The following ARHGAP15 variants were observed in gnomAD, a reference collection of about 807,000 sequenced individuals.
ARHGAP15 encodes rho GTPase-activating protein 15.
In ARHGAP15, 51 loss-of-function variants were observed where a neutral mutation model predicts 63.7. The observed-to-expected ratio is 0.80, with a 90% CI of 0.64 to 1.01. ARHGAP15 has a LOEUF of 1.01. Among genes scored for constraint, ARHGAP15 ranks in the 50% least tolerant of loss-of-function variants. The probability of loss-of-function intolerance (pLI) is 0.00; values close to 1 mark genes in which losing one functional copy is unlikely to be tolerated. For missense variants in ARHGAP15, 560 were observed against 564.6 expected (o/e 0.99, Z 0.08); for synonymous variants, 191 against 193.8 (o/e 0.99, Z 0.12).
At position 143,526,289 on chromosome 2, in the gene ARHGAP15, C is replaced by T. The variant is rs566114621; in HGVS notation, c.925+6925C>T. 8.5e-5 allele frequency among the ~76,000 whole-genome samples: 13 copies of T among 152,186 alleles called. 1 individual carries two copies. In the South Asian group the frequency reaches 2.3e-3, roughly 27 times the overall value. ...ATCTAAGAAATACAGCAATGTGGCT[C>T]TGGTCAAATCAGTCAGCGGATATTC... On this transcript the variant is annotated intron_variant, in intron 10 of 13. Transcript: ENST00000295095.
chr2:143,719,313 G>A (rs1002552346), intron 13 of ARHGAP15, among the ~76,000 whole-genome samples: 2 of 152,144 alleles, frequency 1.3e-5, no homozygotes. Context: ...ATGAACTTTT[G>A]TCTAATTAAT....
chr2:143,240,102 G>A (rs536032834), intron 5 of ARHGAP15, among the ~76,000 whole-genome samples: 1 of 150,320 alleles, frequency 6.7e-6, no homozygotes, highest in East Asian at 2.0e-4. Context: ...CTTGAACCCA[G>A]GTGTTTGAGG....
chr2:143,517,701 T>C (rs1201173501), intron 9 of ARHGAP15, among the ~76,000 whole-genome samples: 1 of 152,178 alleles, frequency 6.6e-6, no homozygotes, highest in African/African-American at 2.4e-5. Flanking sequence ...CTAAGAAATG[T>C]AAGGCTGGGA....
intron 13 of ARHGAP15, among the ~76,000 whole-genome samples, chr2:143,710,338 G>A (rs1472856058): frequency 6.6e-6 from 1 of 152,072 alleles, no homozygotes; most frequent in African/African-American, 2.4e-5. Flanking sequence ...ATTTGGCCTG[G>A]TAGTTAAGAA....
chr2:143,685,924 T>C (rs548499884), intron 12 of ARHGAP15, among the ~76,000 whole-genome samples: 96 of 152,250 alleles, frequency 6.3e-4, no homozygotes, highest in Non-Finnish European at 9.0e-4. Context: ...TCGAAATCTC[T>C]CTTGAGAAGC....
chr2:143,307,805 A>G (rs1683244376), intron 6 of ARHGAP15, among the ~76,000 whole-genome samples: 1 of 152,144 alleles, frequency 6.6e-6, no homozygotes, highest in Admixed American at 6.6e-5. Flanking sequence ...ATAATTTGAA[A>G]TATTTTCTTT....
intron 12 of ARHGAP15, among the ~76,000 whole-genome samples, chr2:143,650,833 A>G (rs1240318852): frequency 6.6e-6 from 1 of 151,926 alleles, no homozygotes; most frequent in Non-Finnish European, 1.5e-5. Flanking sequence ...AAATCCTTAC[A>G]GTAAAATATG....
At chr2:143,749,156 TA>T (rs984001474) in intron 13 of ARHGAP15, among the ~76,000 whole-genome samples, 18 of 152,260 alleles carry the variant, frequency 1.2e-4, no homozygotes, top group Non-Finnish European at 2.1e-4. Flanking sequence ...TCTGGAAATG[TA>T]AAAAATAAGT....
At chr2:143,509,569 AC>A (rs1693486254) in intron 9 of ARHGAP15, among the ~76,000 whole-genome samples, 1 of 152,178 alleles carries the variant, frequency 6.6e-6, no homozygotes, top group Non-Finnish European at 1.5e-5. Flanking sequence ...TAATTCAAAA[AC>A]ATAGGCCATT....
At chr2:143,558,743 T>G (rs1695907218) in intron 11 of ARHGAP15, among the ~76,000 whole-genome samples, 1 of 152,316 alleles carries the variant, frequency 6.6e-6, no homozygotes, top group African/African-American at 2.4e-5. Context: ...GTGTGGGTGT[T>G]GCAGGTAAGA....
At chr2:143,738,792 A>G (rs1685850549) in intron 13 of ARHGAP15, among the ~76,000 whole-genome samples, 1 of 152,180 alleles carries the variant, frequency 6.6e-6, no homozygotes, top group Admixed American at 6.5e-5. Context: ...AATTACACAG[A>G]CTGATATGTC....
At chr2:143,717,105 CG>C (rs1684842175) in intron 13 of ARHGAP15, among the ~76,000 whole-genome samples, 2 of 152,200 alleles carry the variant, frequency 1.3e-5, no homozygotes, top group Admixed American at 1.3e-4. Context: ...ACTTAGAGCA[CG>C]TTTTTTTAGA....
chr2:143,578,901 T>C (rs988419978), intron 11 of ARHGAP15, among the ~76,000 whole-genome samples: 1 of 152,192 alleles, frequency 6.6e-6, no homozygotes, highest in African/African-American at 2.4e-5. Flanking sequence ...CCATTTTCTT[T>C]GGCATACCAT....
At chr2:143,486,408 CAA>C (rs35904219) in intron 8 of ARHGAP15, among the ~76,000 whole-genome samples, 67 of 133,314 alleles carry the variant, frequency 5.0e-4, no homozygotes, top group Admixed American at 6.9e-4. Flanking sequence ...CCATTTCTAC[CAA>C]AAAAAAAAAA....
chr2:143,598,603 A>G (rs1046278782), intron 11 of ARHGAP15, among the ~76,000 whole-genome samples: 6 of 152,102 alleles, frequency 3.9e-5, no homozygotes, highest in Non-Finnish European at 5.9e-5. Context: ...TACTGCAGCA[A>G]TGAGCTGTTC....
At chr2:143,751,109 A>G (rs1470810991) in intron 13 of ARHGAP15, among the ~76,000 whole-genome samples, 1 of 152,194 alleles carries the variant, frequency 6.6e-6, no homozygotes, top group East Asian at 1.9e-4. Flanking sequence ...CACCAACAGA[A>G]GTAAAGATGG....
rs1558781235 is a variant in ARHGAP15, at chr2:143,155,613, T to A, written c.123T>A (p.Ser41Arg). 6.2e-7 allele frequency: 1 copy of A among 1,606,226 alleles called. No individual in the cohort carries two copies. The highest frequency in any genetic ancestry group is 8.5e-7 in the Non-Finnish European group (1 of 1,176,826). The change falls in exon 2 of 14, where the codon AGT becomes AGA. Residue 41 changes from serine (S) to arginine (R), a missense_variant. Transcript: ENST00000295095. ...GCCACCATGACAGGCTCAGCCAAAG[T>A]AAATCCATGATCCTCACCGATGTCG... Reference protein sequence around the residue: ...ANSHHDRLSQSKSMILTDVGK... With the variant: ...ANSHHDRLSQRKSMILTDVGK...
intron 6 of ARHGAP15, among the ~76,000 whole-genome samples, chr2:143,379,512 T>C (rs1686968312): frequency 6.6e-6 from 1 of 151,212 alleles, no homozygotes; most frequent in South Asian, 2.1e-4. Context: ...TGTGTGTGTG[T>C]GTGTGTGTGT....
At chr2:143,765,478 T>A (rs1430454476) in intron 13 of ARHGAP15, among the ~76,000 whole-genome samples, 4 of 152,238 alleles carry the variant, frequency 2.6e-5, no homozygotes, top group African/African-American at 9.6e-5. Context: ...AATATGAGGA[T>A]CCCTTCCAGA....
Sources: allele counts gnomAD v4.1 joint callset (sites outside exome capture counted in the v4.1 genomes callset), GRCh38; gene constraint gnomAD v4.1.1; transcripts MANE v1.5; gene names NCBI Gene and HGNC (gene_info 2026-07-23, HGNC 2026-07-21).